The following CCDC62 variants were observed in gnomAD, a reference collection of about 807,000 sequenced individuals.
The protein encoded by CCDC62 is coiled-coil domain containing 62.
Under a neutral mutation model 80.8 loss-of-function variants are expected in CCDC62, and 72 were observed. That is an observed-to-expected ratio of 0.89 (90% CI 0.74 to 1.08). CCDC62 has a LOEUF of 1.08. Ranked by LOEUF, CCDC62 falls within the 50% of genes least tolerant of loss-of-function variation. The pLI is 0.00. For missense variants in CCDC62, 704 were observed against 809.4 expected, an observed-to-expected ratio of 0.87 and a Z score of 1.58; for synonymous variants, 286 against 296.5, an observed-to-expected ratio of 0.96 and a Z score of 0.36.
intron 12 of CCDC62, among the ~76,000 whole-genome samples, chr12:122,824,276 C>G (rs1406039823): frequency 6.6e-6 from 1 of 151,838 alleles, no homozygotes; most frequent in Non-Finnish European, 1.5e-5. Flanking sequence ...ATTAGCCAAG[C>G]ATGGTGGCGG....
chr12:122,799,927 T>TGCCACC (rs199828059), intron 8 of CCDC62, among the ~76,000 whole-genome samples: 3,125 of 152,282 alleles, frequency 0.021, 47 homozygotes, highest in Non-Finnish European at 0.034. Context: ...CTGCTGCCGC[T>TGCCACC]GCCACCAGAC....
rs531706146 is a variant in CCDC62, at chr12:122,798,730, G to A, written c.977+530G>A. Among the ~76,000 whole-genome samples, 423 of 152,264 alleles carry A rather than the reference G, an allele frequency of 2.8e-3. 2 individuals carry two copies. Among genetic ancestry groups the A allele is most frequent in the Non-Finnish European group, 4.4e-3 (301 of 68,016 alleles). On this transcript the variant is annotated intron_variant, in intron 8 of 12. Transcript: ENST00000253079. ...CCGGAGGTGGAGGTTGCAGTGAGCC[G>A]AGATCGCGCCATTGCACTCCAGCCT... is the stretch of plus-strand genomic sequence containing the variant.
chr12:122,821,371 T>G (rs2032398128), intron 11 of CCDC62, among the ~76,000 whole-genome samples: 1 of 152,196 alleles, frequency 6.6e-6, no homozygotes, highest in African/African-American at 2.4e-5. Flanking sequence ...GAATGGGAAG[T>G]CAAGAAGCCT....
intron 10 of CCDC62, among the ~76,000 whole-genome samples, chr12:122,812,647 G>GGCAGGAGAATGGGGTGAACCCT (rs71085856): frequency 4.1e-5 from 1 of 24,456 alleles, no homozygotes. Context: ...GGGAGGCTGA[G>GGCAGGAGAATGGGGTGAACCCT]GTGGGTGGAG....
At chr12:122,780,682 T>G (rs1461463931) in intron 2 of CCDC62, among the ~76,000 whole-genome samples, 1 of 149,758 alleles carries the variant, frequency 6.7e-6, no homozygotes, top group Admixed American at 6.6e-5. Context: ...AAAATAGAAA[T>G]AAGCTTTGGC....
chr12:122,803,231 C>G (rs1236272611), intron 9 of CCDC62, among the ~76,000 whole-genome samples: 1 of 152,114 alleles, frequency 6.6e-6, no homozygotes, highest in African/African-American at 2.4e-5. Context: ...CCTTTGTGTT[C>G]ATTCATTTCA....
At chr12:122,816,892 A>G (rs1373948528) in intron 11 of CCDC62, among the ~76,000 whole-genome samples, 2 of 152,068 alleles carry the variant, frequency 1.3e-5, no homozygotes, top group African/African-American at 4.8e-5. Context: ...GAGACCCCAC[A>G]TCCACAGCCA....
chr12:122,786,378 G>T (rs2030233768), intron 4 of CCDC62, among the ~76,000 whole-genome samples: 3 of 151,896 alleles, frequency 2.0e-5, no homozygotes, highest in Non-Finnish European at 4.4e-5. Context: ...TCGATCTCCT[G>T]ACCTCGTGAT....
At chr12:122,783,510 G>A (rs1285181924) in intron 3 of CCDC62, among the ~76,000 whole-genome samples, 2 of 152,236 alleles carry the variant, frequency 1.3e-5, no homozygotes, top group East Asian at 3.9e-4. Context: ...ACAGGTGTGA[G>A]CCACCGCGCC....
intron 5 of CCDC62, among the ~76,000 whole-genome samples, chr12:122,789,895 C>T (rs947757242): frequency 3.9e-5 from 6 of 152,038 alleles, no homozygotes; most frequent in Admixed American, 6.6e-5. Context: ...CTCTGCTTCT[C>T]TTTTTCAGTG....
At position 122,822,417 on chromosome 12, in the gene CCDC62, T is replaced by G. The variant is rs530634503; in HGVS notation, c.2002-949T>G. On this transcript the variant is annotated intron_variant, in intron 11 of 12. Transcript: ENST00000253079. ...CTGCACCTGGCCAATACATTATTATTAACCATAGTCATGGTGCTGTGCAAT... is the reference window on the plus strand; with the variant it reads ...CTGCACCTGGCCAATACATTATTATGAACCATAGTCATGGTGCTGTGCAAT... 6.6e-5 allele frequency among the ~76,000 whole-genome samples: 10 copies of G among 152,096 alleles called. No individual in the cohort carries two copies. The South Asian group carries it at 1.9e-3, about 28-fold the overall frequency.
At chr12:122,825,209 T>G (rs1386898877) in intron 12 of CCDC62, among the ~76,000 whole-genome samples, 1 of 152,052 alleles carries the variant, frequency 6.6e-6, no homozygotes, top group East Asian at 1.9e-4. Context: ...GGAGTCTTGC[T>G]CTGTCGCCCA....
chr12:122,812,653 T>A (rs183729576), intron 10 of CCDC62, among the ~76,000 whole-genome samples: 7 of 7,894 alleles, frequency 8.9e-4, no homozygotes, highest in Admixed American at 3.8e-3. Flanking sequence ...CTGAGGTGGG[T>A]GGAGCTTGAA....
chr12:122,797,238 TG>T lies in CCDC62; in HGVS notation c.773-68del, dbSNP rs1014730701. 9.2e-6 allele frequency: 7 copies of T among 762,742 alleles called. No homozygotes were observed. In the African/African-American group the frequency reaches 1.0e-4, roughly 11 times the overall value. The allele number at this position is 762,742 out of a possible 1,614,324, so 47.2% of individuals were successfully genotyped here. A position where few individuals can be genotyped will look rare whatever the true frequency, so the allele number is the denominator to read the frequency against. ...CAAAAATGTTAGCTGAGCATTAAAT[TG>T]TTGGAAATGGAGAGGTTTGTGTGGC... On this transcript the variant is annotated intron_variant, in intron 6 of 12. Coordinates refer to ENST00000253079, the MANE Select transcript of CCDC62 (RefSeq NM_201435.5).
intron 12 of CCDC62, among the ~76,000 whole-genome samples, chr12:122,824,141 C>T (rs1263378950): frequency 6.6e-6 from 1 of 152,074 alleles, no homozygotes; most frequent in Non-Finnish European, 1.5e-5. Context: ...GCGGGCCGGG[C>T]GCAGTGGCTC....
At chr12:122,803,161 C>T (rs58182048) in intron 9 of CCDC62, among the ~76,000 whole-genome samples, 6,242 of 152,250 alleles carry the variant, frequency 0.041, 263 homozygotes, top group East Asian at 0.24. Context: ...CCACCGCATC[C>T]AGCATCTCTC....
chr12:122,781,685 C>CA (rs200444250), intron 3 of CCDC62, among the ~76,000 whole-genome samples: 100 of 136,780 alleles, frequency 7.3e-4, no homozygotes, highest in Admixed American at 9.7e-4. Flanking sequence ...AACTCTGTCT[C>CA]AAAAAAAAAA....
chr12:122,787,934 A>G (rs1277061571), intron 4 of CCDC62, among the ~76,000 whole-genome samples: 1 of 152,124 alleles, frequency 6.6e-6, no homozygotes, highest in African/African-American at 2.4e-5. Context: ...GTGTTCCTGT[A>G]CTTATTAGAA....
At chr12:122,788,672 C>A in intron 4 of CCDC62, 86 bp from the exon 5 acceptor site, 1 of 824,098 alleles carries the variant, frequency 1.2e-6, no homozygotes, top group Non-Finnish European at 1.9e-6. Flanking sequence ...GAACCTGGCA[C>A]ACGATAAGAT....
Sources: allele counts gnomAD v4.1 joint callset (sites outside exome capture counted in the v4.1 genomes callset), GRCh38; gene constraint gnomAD v4.1.1; transcripts MANE v1.5; gene names NCBI Gene and HGNC (gene_info 2026-07-23, HGNC 2026-07-21).